ZNF443: variants seen among roughly 807,000 people sequenced by gnomAD.
ZNF443 encodes Kruppel-type zinc finger (C2H2).
In ZNF443, 3 loss-of-function variants were observed where a neutral mutation model predicts 12.0. The ratio of observed to expected loss-of-function variants is 0.25; its 90% CI spans 0.11 to 0.64. The LOEUF is 0.64. Among genes scored for constraint, ZNF443 ranks in the 30% least tolerant of loss-of-function variants. ZNF443 has a pLI of 0.84. For synonymous variants in ZNF443, 225 were observed against 265.9 expected (o/e 0.85, Z 1.50); for missense variants, 770 against 808.8 (o/e 0.95, Z 0.58).
intron 1 of ZNF443, among the ~76,000 whole-genome samples, chr19:12,435,374 G>C (rs1202641179): frequency 2.0e-5 from 3 of 152,088 alleles, no homozygotes; most frequent in Non-Finnish European, 4.4e-5. Flanking sequence ...AAAGCCTGTA[G>C]ACAACTGCAA....
intron 1 of ZNF443, among the ~76,000 whole-genome samples, chr19:12,436,750 TACACACACAC>T (rs59579956): frequency 8.4e-5 from 10 of 118,932 alleles, no homozygotes; most frequent in African/African-American, 1.6e-4. Context: ...ATTCAGATCA[TACACACACAC>T]ACACACACAC....
rs781764646 is a variant in ZNF443 at position 12,431,376 on chromosome 19, T to C, written c.796A>G (p.Ser266Gly). 2.4e-5 allele frequency: 38 copies of C among 1,613,954 alleles called. No homozygotes were observed. In the South Asian group the frequency reaches 3.7e-4, roughly 16 times the overall value. ...GTTCTTTCATGTCTTAGATAGGAAC[T>C]GTAAAAAGGAAAGGCTTTAGAACAC... ...KQCSKAFPFYSSYLRHERTHT... is the reference protein window; with the variant it reads ...KQCSKAFPFYGSYLRHERTHT... Residue 266 changes from serine (S) to glycine (G), a missense_variant, in exon 4 of 4, where the codon AGT (serine) becomes GGT (glycine). Coordinates refer to ENST00000301547, the MANE Select transcript of ZNF443 (RefSeq NM_005815.5).
At chr19:12,433,839 GAAAA>G (rs202135918) in intron 1 of ZNF443, among the ~76,000 whole-genome samples, 6 of 115,112 alleles carry the variant, frequency 5.2e-5, no homozygotes, top group African/African-American at 1.8e-4. Flanking sequence ...CAAAGTGGCA[GAAAA>G]AAAAAAAAAA....
rs774607573 is a variant in ZNF443, at chr19:12,431,791, C to T, written c.381G>A (p.Gly127=). 6.2e-7 allele frequency: 1 copy of T among 1,614,132 alleles called. No homozygotes were observed. The highest frequency in any genetic ancestry group is 8.5e-7 in the Non-Finnish European group (1 of 1,179,996). The part of the protein sequence containing the change: ...SLNCYIRVGA[G]HKPHEYHECG... ...ATTCATGATACTCATGTGGTTTGTGCCCAGCACCAACTCTGATGTAACAAT... is the reference window on the plus strand; with the variant it reads ...ATTCATGATACTCATGTGGTTTGTGTCCAGCACCAACTCTGATGTAACAAT... The change falls in exon 4 of 4, where the codon GGG becomes GGA. Residue 127 remains glycine, a synonymous_variant. Transcript: ENST00000301547.
rs2432251 is a variant in ZNF443 at position 12,432,690 on chromosome 19, G to A, written c.131-253C>T. On this transcript the variant is annotated intron_variant, in intron 2 of 3. Transcript: ENST00000301547. ...GCCTACTCAATGTGAAGACAATGAG[G>A]ATGAAAACCTTTCCGAGGATGCACT... is the stretch of plus-strand genomic sequence containing the variant. Among the ~76,000 whole-genome samples, 490 of 139,006 alleles carry A rather than the reference G, an allele frequency of 3.5e-3. 26 individuals are homozygous for A. The highest frequency in any genetic ancestry group is 0.013 in the African/African-American group (475 of 35,466). 91.2% of individuals were successfully genotyped at this position (139,006 alleles called of 152,430 possible).
In ZNF443 at chr19:12,431,720, C is replaced by T. The variant is rs751896983; in HGVS notation, c.452G>A (p.Ser151Asn). The change falls in exon 4 of 4, where the codon AGT becomes AAT. Residue 151 changes from serine (S) to asparagine (N), a missense_variant. Physicochemically the swap from Ser to Asn is conservative, Grantham distance 46. Around this residue, in one of 3 missense-constraint regions of ZNF443, gnomAD observed 736 missense variants for 689.4 expected, o/e 1.07. Coordinates refer to ENST00000301547, the MANE Select transcript of ZNF443 (RefSeq NM_005815.5). ...DTHKQRGKAF[S>N]YHNSFQTHER... ...ATGTGTTTGAAATGAGTTGTGGTAACTGAAGGCTTTCCCACGTTGTTTATG... is the reference window on the plus strand; with the variant it reads ...ATGTGTTTGAAATGAGTTGTGGTAATTGAAGGCTTTCCCACGTTGTTTATG... The T allele has an allele frequency of 6.2e-7, 1 of 1,614,138 alleles. No individual in the cohort carries two copies. Among genetic ancestry groups the T allele is most frequent in the Non-Finnish European group, 8.5e-7 (1 of 1,179,992 alleles).
In ZNF443 at chr19:12,430,451, C is replaced by T. The variant is rs201743444; in HGVS notation, c.1721G>A (p.Cys574Tyr). Residue 574 changes from cysteine (C) to tyrosine (Y), a missense_variant, in exon 4 of 4, where the codon TGC becomes TAC. Cys to Tyr is a radical substitution (Grantham distance 194). This residue lies in a region of ZNF443 where 736 missense variants were observed against 689.4 expected (regional missense o/e 1.07). Coordinates refer to ENST00000301547, the MANE Select transcript of ZNF443 (RefSeq NM_005815.5). ...ECGKAFSWLTCFLRHERIHMR... is the reference protein window; with the variant it reads ...ECGKAFSWLTYFLRHERIHMR... ...GTGAATTCTTTCATGTCGTAGAAAG[C>T]AAGTGAGCCAAGAGAATGCTTTCCC... 501 of 1,605,762 alleles carry T rather than the reference C, an allele frequency of 3.1e-4. No homozygotes were observed. The highest frequency in any genetic ancestry group is 3.9e-4 in the Non-Finnish European group (464 of 1,175,522).
rs1970251085 is a variant in ZNF443 at position 12,431,328 on chromosome 19, T to C, written c.844A>G (p.Lys282Glu). The C allele has an allele frequency of 6.2e-7, 1 of 1,614,072 alleles. No individual in the cohort carries two copies. Among genetic ancestry groups the C allele is most frequent in the Non-Finnish European group, 8.5e-7 (1 of 1,179,966 alleles). ...ERTHTGEKPY[K>E]CKQCSKAFPD... The stretch of plus-strand genomic sequence containing the variant: ...AAGGCTTTAGAACACTGCTTACATT[T>C]ATATGGTTTCTCCCCAGTATGTGTT... The change falls in exon 4 of 4, where the codon AAA (lysine) becomes GAA (glutamate). Residue 282 changes from lysine (K) to glutamate (E), a missense_variant. Around this residue, in one of 3 missense-constraint regions of ZNF443, gnomAD observed 736 missense variants for 689.4 expected, o/e 1.07. Coordinates refer to ENST00000301547, the MANE Select transcript of ZNF443 (RefSeq NM_005815.5).
Position 12,430,826 on chromosome 19 carries a change from T to C in ZNF443, c.1346A>G (p.Tyr449Cys), listed in dbSNP as rs151060982. 9.9e-6 allele frequency: 16 copies of C among 1,614,030 alleles called. No individual in the cohort carries two copies. Among genetic ancestry groups the C allele is most frequent in the Non-Finnish European group, 1.3e-5 (15 of 1,179,986 alleles). The stretch of plus-strand genomic sequence containing the variant: ...GGCTTTGCCACATTGTTTACATTTA[T>C]AGGGTTTCTCTGCAGTGTGAGTCCT... ...HERTHTAEKP[Y>C]KCKQCGKAYR... The change falls in exon 4 of 4, where the codon TAT becomes TGT. Residue 449 changes from tyrosine (Y) to cysteine (C), a missense_variant. Tyr to Cys is a radical substitution (Grantham distance 194). This residue lies in a region of ZNF443 where 736 missense variants were observed against 689.4 expected (regional missense o/e 1.07). Coordinates refer to ENST00000301547, the MANE Select transcript of ZNF443 (RefSeq NM_005815.5).
Position 12,434,474 on chromosome 19 carries a change from A to T in ZNF443, c.4-1277T>A, listed in dbSNP as rs185488529. On this transcript the variant is annotated intron_variant, in intron 1 of 3. Transcript: ENST00000301547. ...AAGGAAAGAAGGGGAAAGACTGCAT[A>T]TATTCTTAGAAAGAACTCAATGTCA... Among the ~76,000 whole-genome samples, 22 of 152,312 alleles carry T rather than the reference A, an allele frequency of 1.4e-4. No homozygotes were observed. The East Asian group carries it at 3.9e-3, about 27-fold the overall frequency.
In ZNF443 at chr19:12,433,898, G is replaced by T. The variant is rs377596870; in HGVS notation, c.4-701C>A. On this transcript the variant is annotated intron_variant, in intron 1 of 3. Transcript: ENST00000301547. ...TTTAAGAGGTGATTTAGTTCTGAGG[G>T]TCTGGACCTCATGAATAGATTAATC... Among the ~76,000 whole-genome samples, 32 of 152,014 alleles carry T rather than the reference G, an allele frequency of 2.1e-4. 1 individual carries two copies. In the East Asian group the frequency reaches 6.0e-3, roughly 28 times the overall value.
Position 12,431,585 on chromosome 19 carries a change from G to A in ZNF443, c.587C>T (p.Pro196Leu). Residue 196 changes from proline to leucine, a missense_variant, in exon 4 of 4, where the codon CCT (proline) becomes CTT (leucine). Around this residue, in one of 3 missense-constraint regions of ZNF443, gnomAD observed 736 missense variants for 689.4 expected, o/e 1.07. Coordinates refer to ENST00000301547, the MANE Select transcript of ZNF443 (RefSeq NM_005815.5). ...RHMAVQRGDG[P>L]YKCKLCGKAF... ...TTTCCCACACAACTTACATTTATAA[G>A]GTCCATCTCCACGCTGCACTGCCAT... The A allele has an allele frequency of 6.2e-7, 1 of 1,614,126 alleles. No homozygotes were observed. Among genetic ancestry groups the A allele is most frequent in the African/African-American group, 1.3e-5 (1 of 75,030 alleles).
At chr19:12,435,616 C>T (rs1403660216) in intron 1 of ZNF443, among the ~76,000 whole-genome samples, 1 of 152,076 alleles carries the variant, frequency 6.6e-6, no homozygotes, top group Non-Finnish European at 1.5e-5. Context: ...GAACATAAAG[C>T]ATAAGTAGAG....
At chr19:12,437,554 A>G (rs950708938) in intron 1 of ZNF443, among the ~76,000 whole-genome samples, 2 of 152,266 alleles carry the variant, frequency 1.3e-5, no homozygotes, top group South Asian at 4.1e-4. Flanking sequence ...TATAACAAAT[A>G]TAAAACAATT....
In ZNF443 at chr19:12,431,129, T is replaced by A. The variant is rs1434522456; in HGVS notation, c.1043A>T (p.His348Leu). ...CATGTGTCTTTGAAAGCTTCCCAGATGATGAAACGCTTTCCCACATTGCTG... is the reference window on the plus strand; with the variant it reads ...CATGTGTCTTTGAAAGCTTCCCAGAAGATGAAACGCTTTCCCACATTGCTG... The part of the protein sequence containing the change: ...ACQQCGKAFH[H>L]LGSFQRHMIR... Residue 348 changes from histidine (H) to leucine (L), a missense_variant, in exon 4 of 4, where the codon CAT becomes CTT. Physicochemically the swap from His to Leu is moderately conservative, Grantham distance 99 (BLOSUM62 -3). Transcript: ENST00000301547. 6.2e-7 allele frequency: 1 copy of A among 1,613,198 alleles called. No homozygotes were observed. Among genetic ancestry groups the A allele is most frequent in the Non-Finnish European group, 8.5e-7 (1 of 1,179,326 alleles).
In ZNF443 at chr19:12,433,322, C is replaced by T. The variant is rs532031825; in HGVS notation, c.4-125G>A. 82 of 1,447,386 alleles carry T rather than the reference C, an allele frequency of 5.7e-5. No individual in the cohort carries two copies. The East Asian group carries it at 2.0e-3, about 36-fold the overall frequency. 89.7% of individuals were successfully genotyped at this position (1,447,386 alleles called of 1,614,324 possible). A position where few individuals can be genotyped will look rare whatever the true frequency, so the allele number is the denominator to read the frequency against. ...CATTTTATTCAATGACATGGTAAAC[C>T]CACTCTTATTCTCTGTCTACACTCA... On this transcript the variant is annotated intron_variant, in intron 1 of 3. Transcript: ENST00000301547.
intron 1 of ZNF443, among the ~76,000 whole-genome samples, chr19:12,439,058 A>C (rs565029883): frequency 6.6e-6 from 1 of 152,102 alleles, no homozygotes; most frequent in Non-Finnish European, 1.5e-5. Flanking sequence ...ACATCCCTTA[A>C]CCCTATTCTG....
At position 12,438,024 on chromosome 19, in the gene ZNF443, G is replaced by A. The variant is rs142593750; in HGVS notation, c.3+2888C>T. ...GCTGAGGCAAGAGAATCGCTTGAAC[G>A]CAGGAGGCGGAGGTTGCAGTGAGCT... On this transcript the variant is annotated intron_variant, in intron 1 of 3. Transcript: ENST00000301547. Among the ~76,000 whole-genome samples the A allele has an allele frequency of 1.3e-3, 203 of 151,556 alleles. 1 individual carries two copies. Among genetic ancestry groups the A allele is most frequent in the African/African-American group, 4.7e-3 (196 of 41,304 alleles).
chr19:12,435,468 G>A (rs953658148), intron 1 of ZNF443, among the ~76,000 whole-genome samples: 3 of 152,156 alleles, frequency 2.0e-5, no homozygotes, highest in Non-Finnish European at 4.4e-5. Flanking sequence ...CCAGATATCA[G>A]GGTACTCAAA....
Sources: gnomAD v4.1 joint callset for allele counts (sites outside exome capture counted in the v4.1 genomes callset) on GRCh38, gnomAD v4.1.1 for gene constraint, gnomAD v4.1.1 regional missense constraint, MANE v1.5 for transcripts, NCBI Gene and HGNC (gene_info 2026-07-23, HGNC 2026-07-21) for gene names.